Variants in RANBP2 observed in about 807,000 individuals in gnomAD.
RANBP2 encodes the protein E3 SUMO-protein ligase RanBP2.
Under a neutral mutation model 303.6 loss-of-function variants are expected in RANBP2, and 57 were observed. That is an observed-to-expected ratio of 0.19 (90% CI 0.15 to 0.23). The LOEUF (loss-of-function observed/expected upper bound fraction) is 0.23. RANBP2 is among the 10% of genes least tolerant of loss of function. RANBP2 has a pLI of 1.00. For missense variants in RANBP2, 3,138 were observed against 3,780.8 expected (o/e 0.83, Z 4.46); for synonymous variants, 1,167 against 1,301.5 (o/e 0.90, Z 2.23).
chr2:109,087,005 AG>A, the RANBP2 span, among the ~76,000 whole-genome samples: 1 of 152,184 alleles, frequency 6.6e-6, no homozygotes, highest in Non-Finnish European at 1.5e-5. Flanking sequence ...GCTTGGTTGA[AG>A]GGTTGTTAAG....
chr2:109,436,458 C>T, the RANBP2 span, among the ~76,000 whole-genome samples: 2 of 152,176 alleles, frequency 1.3e-5, no homozygotes, highest in South Asian at 2.1e-4. Context: ...CCAGCAGATG[C>T]GAGGTGGCAG....
the RANBP2 span, among the ~76,000 whole-genome samples, chr2:108,842,828 A>G: frequency 6.6e-6 from 1 of 152,238 alleles, no homozygotes; most frequent in Admixed American, 6.5e-5. Context: ...ACATCAAATT[A>G]TAAGCATTCA....
At chr2:109,386,756 C>G in the RANBP2 span, among the ~76,000 whole-genome samples, 1 of 152,204 alleles carries the variant, frequency 6.6e-6, no homozygotes, top group African/African-American at 2.4e-5. Flanking sequence ...CAAAACTGCC[C>G]AAGGAAGAGG....
the RANBP2 span, among the ~76,000 whole-genome samples, chr2:109,186,539 T>C: frequency 5.3e-5 from 8 of 152,202 alleles, no homozygotes; most frequent in Non-Finnish European, 8.8e-5. Flanking sequence ...AGAAAGTCAA[T>C]TCTGTTTTTG....
chr2:108,923,360 A>G, the RANBP2 span: 1 of 1,613,682 alleles, frequency 6.2e-7, no homozygotes, highest in Non-Finnish European at 8.5e-7. Context: ...AAGGACAAAG[A>G]CACTCACATT....
At chr2:108,870,281 T>C in the RANBP2 span, among the ~76,000 whole-genome samples, 2 of 152,206 alleles carry the variant, frequency 1.3e-5, no homozygotes, top group South Asian at 4.1e-4. Context: ...TCAGTGAACT[T>C]GAAGGCAAGT....
the RANBP2 span, among the ~76,000 whole-genome samples, chr2:108,977,362 G>A: frequency 3.3e-5 from 5 of 152,096 alleles, no homozygotes; most frequent in African/African-American, 7.2e-5. Flanking sequence ...TGCGCCTCCC[G>A]GGTTCACGCC....
At chr2:109,079,731 T>C in the RANBP2 span, among the ~76,000 whole-genome samples, 1 of 152,150 alleles carries the variant, frequency 6.6e-6, no homozygotes, top group Non-Finnish European at 1.5e-5. Context: ...ACTCAAGGCC[T>C]GGTGGAGCCC....
chr2:108,877,796 A>G, the RANBP2 span, among the ~76,000 whole-genome samples: 1 of 152,232 alleles, frequency 6.6e-6, no homozygotes, highest in Non-Finnish European at 1.5e-5. Context: ...CATGTTCCAG[A>G]AAAACCTATG....
chr2:109,048,777 A>T, the RANBP2 span, among the ~76,000 whole-genome samples: 1 of 152,200 alleles, frequency 6.6e-6, no homozygotes, highest in African/African-American at 2.4e-5. Flanking sequence ...TTGGAGATGG[A>T]ATAAAGAAGT....
chr2:109,066,583 G>T, the RANBP2 span, among the ~76,000 whole-genome samples: 1 of 152,126 alleles, frequency 6.6e-6, no homozygotes, highest in East Asian at 1.9e-4. Context: ...GTTGGTGTCC[G>T]CTGCCCACAG....
the RANBP2 span, among the ~76,000 whole-genome samples, chr2:108,956,325 T>A: frequency 6.6e-6 from 1 of 152,028 alleles, no homozygotes; most frequent in African/African-American, 2.4e-5. Context: ...GGCATGAGAG[T>A]GTTATGATGC....
the RANBP2 span, among the ~76,000 whole-genome samples, chr2:109,509,695 C>A: frequency 1.3e-5 from 2 of 152,006 alleles, no homozygotes; most frequent in South Asian, 2.1e-4. Context: ...TCCTCCACCC[C>A]CTGCACCCTC....
the RANBP2 span, among the ~76,000 whole-genome samples, chr2:109,610,228 A>T: frequency 6.6e-6 from 1 of 152,170 alleles, no homozygotes; most frequent in African/African-American, 2.4e-5. Context: ...AGTTGGGACT[A>T]CAGGCGCATG....
At chr2:109,266,156 GTT>G in the RANBP2 span, among the ~76,000 whole-genome samples, 4 of 150,926 alleles carry the variant, frequency 2.7e-5, no homozygotes, top group Non-Finnish European at 5.9e-5. Flanking sequence ...TGCTGTGTGT[GTT>G]GTGTATGGTG....
chr2:109,673,089 A>C, the RANBP2 span, among the ~76,000 whole-genome samples: 1 of 152,334 alleles, frequency 6.6e-6, no homozygotes, highest in East Asian at 1.9e-4. Context: ...AATGAAATCC[A>C]GGTTCTAAGC....
At chr2:109,430,482 C>G in the RANBP2 span, among the ~76,000 whole-genome samples, 1 of 151,892 alleles carries the variant, frequency 6.6e-6, no homozygotes, top group Admixed American at 6.6e-5. Context: ...TTCCTCTGTC[C>G]TCTCCCCGTC....
the RANBP2 span, among the ~76,000 whole-genome samples, chr2:109,438,659 C>T: frequency 1.3e-5 from 2 of 152,236 alleles, no homozygotes; most frequent in Admixed American, 1.3e-4. Flanking sequence ...CAAGCCCACC[C>T]TGCAACCCAT....
At chr2:109,533,216 A>G in the RANBP2 span, among the ~76,000 whole-genome samples, 1 of 152,170 alleles carries the variant, frequency 6.6e-6, no homozygotes, top group Non-Finnish European at 1.5e-5. Context: ...ATGTATACCC[A>G]CACAAGAGCT....
Sources: allele counts gnomAD v4.1 joint callset (sites outside exome capture counted in the v4.1 genomes callset), GRCh38; gene constraint gnomAD v4.1.1; transcripts MANE v1.5; gene names NCBI Gene and HGNC (gene_info 2026-07-23, HGNC 2026-07-21).